CNNM2: variants seen among roughly 807,000 people sequenced by gnomAD.
CNNM2 encodes cyclin and CBS domain divalent metal cation transport mediator 2, also known as metal transporter CNNM2.
Under a neutral mutation model 66.9 loss-of-function variants are expected in CNNM2, and 12 were observed. The ratio of observed to expected loss-of-function variants is 0.18; its 90% CI spans 0.11 to 0.29. CNNM2 has a LOEUF of 0.29. CNNM2 is among the 10% of genes least tolerant of loss of function. The pLI is 1.00. For synonymous variants in CNNM2, 557 were observed against 501.8 expected, an observed-to-expected ratio of 1.11 and a Z score of -1.47; for missense variants, 705 against 1,167.7, an observed-to-expected ratio of 0.60 and a Z score of 5.77.
chr10:103,072,163 CTG>C (rs2065595026), intron 6 of CNNM2, among the ~76,000 whole-genome samples: 1 of 152,108 alleles, frequency 6.6e-6, no homozygotes, highest in African/African-American at 2.4e-5. Flanking sequence ...CAGTAGGGGA[CTG>C]TTCTTGGTTC....
intron 1 of CNNM2, among the ~76,000 whole-genome samples, chr10:102,949,794 TAATAATAATAAC>T (rs1286967688): frequency 2.0e-5 from 3 of 151,728 alleles, no homozygotes; most frequent in Admixed American, 6.6e-5. Flanking sequence ...CCATCTCAAA[TAATAATAATAAC>T]AATAATAATA....
At position 103,056,791 on chromosome 10, in the gene CNNM2, A is replaced by G. The variant is rs2065303665; in HGVS notation, c.1904-4A>G. ...GTAATATCAAGTTGTGTTTATATCT[A>G]TAGAAGTAGAAGCATTTAGCCCATC... On this transcript the variant is annotated splice_region_variant and splice_polypyrimidine_tract_variant and intron_variant, in intron 3 of 7. Coordinates refer to ENST00000369878, the MANE Select transcript of CNNM2 (RefSeq NM_017649.5). 1.9e-6 allele frequency: 3 copies of G among 1,613,568 alleles called. No individual in the cohort carries two copies. Among genetic ancestry groups the G allele is most frequent in the Non-Finnish European group, 2.5e-6 (3 of 1,179,524 alleles).
intron 1 of CNNM2, among the ~76,000 whole-genome samples, chr10:102,941,669 C>T (rs1216373449): frequency 6.6e-6 from 1 of 152,200 alleles, no homozygotes; most frequent in Non-Finnish European, 1.5e-5. Flanking sequence ...TCCTTCAGAT[C>T]TGTACTCAGA....
chr10:103,007,646 C>T (rs1294653742), intron 1 of CNNM2, among the ~76,000 whole-genome samples: 1 of 152,186 alleles, frequency 6.6e-6, no homozygotes, highest in Non-Finnish European at 1.5e-5. Context: ...AAATATGGCT[C>T]TATTCTGCCT....
intron 1 of CNNM2, among the ~76,000 whole-genome samples, chr10:102,941,918 T>C (rs760637875): frequency 9.2e-5 from 14 of 152,260 alleles, no homozygotes; most frequent in Admixed American, 9.2e-4. Context: ...TAGATATTGT[T>C]GAATGATTGA....
chr10:102,965,105 G>C (rs549253040), intron 1 of CNNM2, among the ~76,000 whole-genome samples: 1 of 152,278 alleles, frequency 6.6e-6, no homozygotes, highest in East Asian at 1.9e-4. Context: ...CCAGCCTCCA[G>C]AACTGTGAGA....
intron 1 of CNNM2, among the ~76,000 whole-genome samples, chr10:103,044,827 A>G (rs1259752596): frequency 6.6e-6 from 1 of 152,238 alleles, no homozygotes; most frequent in Non-Finnish European, 1.5e-5. Flanking sequence ...ACTTGGAGGA[A>G]AACTTAATTT....
intron 1 of CNNM2, among the ~76,000 whole-genome samples, chr10:102,981,170 A>G (rs2063713351): frequency 1.3e-5 from 2 of 152,008 alleles, no homozygotes; most frequent in South Asian, 4.1e-4. Flanking sequence ...AACATGGCAT[A>G]ACCCTATCTC....
chr10:103,044,155 A>G (rs1187821313), intron 1 of CNNM2, among the ~76,000 whole-genome samples: 3 of 152,200 alleles, frequency 2.0e-5, no homozygotes, highest in Non-Finnish European at 4.4e-5. Flanking sequence ...TTAAGAATCC[A>G]TCAGTTTATC....
At chr10:103,062,421 C>T (rs1490151100) in intron 4 of CNNM2, among the ~76,000 whole-genome samples, 1 of 152,142 alleles carries the variant, frequency 6.6e-6, no homozygotes, top group African/African-American at 2.4e-5. Context: ...AGTGCAGTAA[C>T]GGATCCTTAA....
chr10:102,931,654 G>T (rs1265456636), intron 1 of CNNM2, among the ~76,000 whole-genome samples: 1 of 152,018 alleles, frequency 6.6e-6, no homozygotes, highest in African/African-American at 2.4e-5. Context: ...ACAGCGCCCG[G>T]CCATGGACAT....
chr10:103,059,844 C>T (rs1490751018), intron 4 of CNNM2, among the ~76,000 whole-genome samples: 11 of 152,132 alleles, frequency 7.2e-5, no homozygotes, highest in Non-Finnish European at 1.3e-4. Context: ...AATATACTTT[C>T]GAAAAAGCTT....
chr10:103,072,466 G>A (rs1352265773), intron 6 of CNNM2, among the ~76,000 whole-genome samples: 1 of 149,146 alleles, frequency 6.7e-6, no homozygotes, highest in Admixed American at 6.6e-5. Context: ...CCACCAGGCA[G>A]GCGACCCCGC....
chr10:103,042,532 A>C (rs1477855709), intron 1 of CNNM2, among the ~76,000 whole-genome samples: 1 of 152,228 alleles, frequency 6.6e-6, no homozygotes, highest in Admixed American at 6.5e-5. Context: ...CCCCTGCTCG[A>C]ATGCCTCTTG....
chr10:103,042,984 G>T (rs965997323), intron 1 of CNNM2, among the ~76,000 whole-genome samples: 1 of 152,048 alleles, frequency 6.6e-6, no homozygotes. Flanking sequence ...TTTTATGTTA[G>T]TAGATCAGAA....
At chr10:103,027,728 A>G (rs1303949957) in intron 1 of CNNM2, among the ~76,000 whole-genome samples, 3 of 152,218 alleles carry the variant, frequency 2.0e-5, no homozygotes, top group African/African-American at 7.2e-5. Context: ...GGTATTATGC[A>G]TGTACATTTG....
intron 6 of CNNM2, among the ~76,000 whole-genome samples, chr10:103,074,571 G>A (rs1001036337): frequency 6.6e-6 from 1 of 151,982 alleles, no homozygotes; most frequent in African/African-American, 2.4e-5. Context: ...GGTGGCTCAC[G>A]CCTGTAATCC....
Position 102,986,711 on chromosome 10 carries a change from C to T in CNNM2, c.1622-62996C>T, listed in dbSNP as rs113375453. ...AGGAGAATGCTGTGAACCTGGGAGGCGGAGCTTGCAGTGACCCGAGATTGC... is the reference window on the plus strand; with the variant it reads ...AGGAGAATGCTGTGAACCTGGGAGGTGGAGCTTGCAGTGACCCGAGATTGC... On this transcript the variant is annotated intron_variant, in intron 1 of 7. Transcript: ENST00000369878. Among the ~76,000 whole-genome samples, 15,507 of 143,910 alleles carry T rather than the reference C, an allele frequency of 0.11. 835 individuals are homozygous for T. Among genetic ancestry groups the T allele is most frequent in the Middle Eastern group, 0.19 (52 of 278 alleles). The allele number at this position is 143,910 out of a possible 152,430, so 94.4% of individuals were successfully genotyped here. A position where few individuals can be genotyped will look rare whatever the true frequency, so the allele number is the denominator to read the frequency against.
chr10:102,999,105 C>G (rs1590371310), intron 1 of CNNM2, among the ~76,000 whole-genome samples: 4 of 150,114 alleles, frequency 2.7e-5, no homozygotes, highest in African/African-American at 9.8e-5. Context: ...GAGTCTTGCT[C>G]TGTCTCCCAG....
Sources: allele counts gnomAD v4.1 joint callset (sites outside exome capture counted in the v4.1 genomes callset), GRCh38; gene constraint gnomAD v4.1.1; transcripts MANE v1.5; gene names NCBI Gene and HGNC (gene_info 2026-07-23, HGNC 2026-07-21).